Variants in TEX14 observed in about 807,000 individuals in gnomAD.
TEX14 encodes inactive serine/threonine-protein kinase TEX14.
Under a neutral mutation model 178.6 loss-of-function variants are expected in TEX14, and 168 were observed. That is an observed-to-expected ratio of 0.94 (90% confidence interval 0.83 to 1.07). The LOEUF (loss-of-function observed/expected upper bound fraction) is 1.07. TEX14 is among the 50% of genes least tolerant of loss of function. The pLI, the probability that TEX14 is intolerant of heterozygous loss-of-function variation, is 0.00. For missense variants in TEX14, 1,730 were observed against 1,753.6 expected (o/e 0.99, Z 0.24); for synonymous variants, 626 against 634.1 (o/e 0.99, Z 0.19).
chr17:58,646,383 A>G (rs2046707845), intron 2 of TEX14, among the ~76,000 whole-genome samples: 1 of 152,142 alleles, frequency 6.6e-6, no homozygotes, highest in African/African-American at 2.4e-5. Context: ...TGCCAGTTTC[A>G]TCTCACATCT....
chr17:58,667,406 C>T (rs1261692731), intron 1 of TEX14, among the ~76,000 whole-genome samples: 1 of 152,160 alleles, frequency 6.6e-6, no homozygotes, highest in Non-Finnish European at 1.5e-5. Context: ...CAGCTTAAAC[C>T]TTAAAGCATA....
chr17:58,581,043 T>G (rs915784223), intron 19 of TEX14, among the ~76,000 whole-genome samples: 7 of 152,182 alleles, frequency 4.6e-5, no homozygotes, highest in African/African-American at 1.7e-4. Context: ...CCAGGCATGG[T>G]GGCTCACGCC....
intron 1 of TEX14, among the ~76,000 whole-genome samples, chr17:58,656,184 C>T (rs35987270): frequency 0.19 from 28,156 of 152,172 alleles, 2,785 homozygotes; most frequent in Non-Finnish European, 0.21. Context: ...TGGCTTACGC[C>T]TGTAATCCCA....
chr17:58,629,667 C>T (rs1477010548), intron 3 of TEX14, among the ~76,000 whole-genome samples: 5 of 151,338 alleles, frequency 3.3e-5, no homozygotes, highest in African/African-American at 4.9e-5. Context: ...AACCCCGTCT[C>T]TACTAAAAAT....
intron 15 of TEX14, among the ~76,000 whole-genome samples, 161 bp from the exon 16 acceptor site, chr17:58,588,182 G>A (rs1230389585): frequency 6.6e-6 from 1 of 152,210 alleles, no homozygotes; most frequent in Non-Finnish European, 1.5e-5. Context: ...GGCTGTTGCA[G>A]AGCCTCCCCT....
At chr17:58,651,807 C>T in intron 2 of TEX14, 59 bp downstream of exon 2, 2 of 1,488,478 alleles carry the variant, frequency 1.3e-6, no homozygotes, top group Non-Finnish European at 1.8e-6. Context: ...TCCTTTTCCT[C>T]TGAACGCTAT....
chr17:58,565,662 G>C, intron 27 of TEX14, 85 bp downstream of exon 27: 1 of 948,792 alleles, frequency 1.1e-6, no homozygotes, highest in Non-Finnish European at 1.7e-6. Flanking sequence ...CTGACCTCAA[G>C]GTCACACTTC....
intron 1 of TEX14, among the ~76,000 whole-genome samples, chr17:58,654,505 C>CTT (rs1267652949): frequency 3.7e-5 from 5 of 135,354 alleles, no homozygotes; most frequent in African/African-American, 5.4e-5. Context: ...CAACTTGTAA[C>CTT]TTTTTTTTTT....
At position 58,651,894 on chromosome 17, in the gene TEX14, A is replaced by G. The variant is rs1467645433; in HGVS notation, c.108T>C (p.Tyr36=). 3.7e-6 allele frequency: 6 copies of G among 1,608,954 alleles called. No homozygotes were observed. The Admixed American group carries it at 5.1e-5, about 14-fold the overall frequency. The change falls in exon 2 of 32, where the codon TAT becomes TAC. Residue 36 remains tyrosine (Y), a synonymous_variant. Transcript: ENST00000349033. ...TCTTAAGAATTTTCTTCACTTTCAC[A>G]TAGTTCCCTTGTTTGACATACTCAT... ...QLHEYVKQGN[Y]VKVKKILKKG...
intron 2 of TEX14, among the ~76,000 whole-genome samples, chr17:58,630,839 G>C (rs1364477134): frequency 2.0e-5 from 3 of 152,132 alleles, no homozygotes; most frequent in Non-Finnish European, 4.4e-5. Context: ...TCAATCATGG[G>C]AAAGGATGAG....
At chr17:58,605,689 G>A (rs918806865) in intron 10 of TEX14, among the ~76,000 whole-genome samples, 6 of 152,208 alleles carry the variant, frequency 3.9e-5, no homozygotes, top group African/African-American at 1.4e-4. Flanking sequence ...GCTTCTGCCA[G>A]GCATGCTCTG....
At chr17:58,565,673 C>T in intron 27 of TEX14, 74 bp downstream of exon 27, 3 of 1,088,580 alleles carry the variant, frequency 2.8e-6, no homozygotes. Flanking sequence ...GTCACACTTC[C>T]CTATATGTAC....
chr17:58,682,348 C>T (rs1214845975), intron 1 of TEX14, among the ~76,000 whole-genome samples: 1 of 151,726 alleles, frequency 6.6e-6, no homozygotes, highest in Non-Finnish European at 1.5e-5. Context: ...ACATCTGCCT[C>T]CCAGGTTCAA....
At position 58,668,101 on chromosome 17, in the gene TEX14, AC is replaced by A. The variant is rs2047243536; in HGVS notation, c.-1-16100del. 2.0e-5 allele frequency among the ~76,000 whole-genome samples: 3 copies of A among 152,008 alleles called. No individual in the cohort carries two copies. The South Asian group carries it at 6.2e-4, about 32-fold the overall frequency. On this transcript the variant is annotated intron_variant, in intron 1 of 31. Transcript: ENST00000349033. ...ACCACCCCCCAGGTGATATCTGATC[AC>A]CCCAGCCTGTCTTCAGCAAGAATCC...
At chr17:58,654,892 T>C (rs954664206) in intron 1 of TEX14, among the ~76,000 whole-genome samples, 1 of 151,954 alleles carries the variant, frequency 6.6e-6, no homozygotes, top group Non-Finnish European at 1.5e-5. Flanking sequence ...TAGAACACCC[T>C]GACATTTCGG....
intron 3 of TEX14, among the ~76,000 whole-genome samples, chr17:58,627,201 A>G (rs2046165603): frequency 6.6e-6 from 1 of 152,136 alleles, no homozygotes; most frequent in Non-Finnish European, 1.5e-5. Context: ...ACTATGTACC[A>G]TATTATGGGC....
In TEX14 at chr17:58,603,671, G is replaced by A. The variant is rs142002306; in HGVS notation, c.1337-1081C>T. ...AGATCCAGACCATCCTGGCTAATAC[G>A]GTGAAACCCCGTCTGTACTAAAAAT... On this transcript the variant is annotated intron_variant, in intron 11 of 31. Transcript: ENST00000349033. Among the ~76,000 whole-genome samples the A allele has an allele frequency of 5.9e-3, 892 of 151,408 alleles. 5 individuals are homozygous for A. The highest frequency in any genetic ancestry group is 9.3e-3 in the African/African-American group (383 of 41,270).
At chr17:58,664,458 C>T (rs950202808) in intron 1 of TEX14, among the ~76,000 whole-genome samples, 1 of 152,212 alleles carries the variant, frequency 6.6e-6, no homozygotes, top group African/African-American at 2.4e-5. Context: ...CACCTGTTCT[C>T]AAGTCATTAC....
At chr17:58,624,296 T>C (rs1029535736) in intron 3 of TEX14, among the ~76,000 whole-genome samples, 9 of 150,920 alleles carry the variant, frequency 6.0e-5, no homozygotes, top group Non-Finnish European at 1.3e-4. Flanking sequence ...CTGAATACAC[T>C]ATACAAACTC....
Sources: gnomAD v4.1 joint callset for allele counts (sites outside exome capture counted in the v4.1 genomes callset) on GRCh38, gnomAD v4.1.1 for gene constraint, MANE v1.5 for transcripts, NCBI Gene and HGNC (gene_info 2026-07-23, HGNC 2026-07-21) for gene names.